Variants in MYZAP observed in about 807,000 individuals in gnomAD.
MYZAP encodes the protein GRINL1A complex locus upstream.
In MYZAP, 66 loss-of-function variants were observed where a neutral mutation model predicts 69.4. The ratio of observed to expected loss-of-function variants is 0.95; its 90% CI spans 0.78 to 1.17. MYZAP has a LOEUF of 1.17. Among genes scored for constraint, MYZAP ranks in the 50% most tolerant of loss-of-function variants. The pLI, the probability that MYZAP is intolerant of heterozygous loss-of-function variation, is 0.00. For missense variants in MYZAP, 611 were observed against 556.2 expected (o/e 1.10, Z -0.99); for synonymous variants, 256 against 205.9 (o/e 1.24, Z -2.09).
chr15:57,632,074 T>G (rs1369916202), intron 6 of MYZAP, among the ~76,000 whole-genome samples: 1 of 152,186 alleles, frequency 6.6e-6, no homozygotes, highest in Admixed American at 6.5e-5. Context: ...ATGGAAAGGG[T>G]GAGTCCAGAT....
chr15:57,613,353 A>C (rs767287159), intron 2 of MYZAP, among the ~76,000 whole-genome samples: 1 of 151,422 alleles, frequency 6.6e-6, no homozygotes, highest in African/African-American at 2.4e-5. Flanking sequence ...GAGGCTTTTG[A>C]TTTTTAATTT....
Position 57,652,638 on chromosome 15 carries a change from A to C in MYZAP, c.1120-8812A>C, listed in dbSNP as rs183326730. ...TCTTTTGTTAAGAGAATTGGAAACA[A>C]TGGTTTACCAGATCATAGAGGGATC... On this transcript the variant is annotated intron_variant, in intron 10 of 12. Transcript: ENST00000267853. Among the ~76,000 whole-genome samples, 852 of 152,282 alleles carry C rather than the reference A, an allele frequency of 5.6e-3. 8 individuals are homozygous for C. The highest frequency in any genetic ancestry group is 6.2e-3 in the Non-Finnish European group (422 of 68,004).
rs147301894 is a variant in MYZAP, at chr15:57,602,990, G to A, written c.76-1279G>A. On this transcript the variant is annotated intron_variant, in intron 1 of 12. Coordinates refer to ENST00000267853, the MANE Select transcript of MYZAP (RefSeq NM_001018100.5). Reference sequence around the variant, plus strand: ...TGACTTTGCCCCTAAGTCACCCTTCGTCAACAGAATATGATAAATCACACA... The same window carrying A: ...TGACTTTGCCCCTAAGTCACCCTTCATCAACAGAATATGATAAATCACACA... Among the ~76,000 whole-genome samples the A allele has an allele frequency of 1.1e-4, 17 of 152,084 alleles. No homozygotes were observed. The East Asian group carries it at 2.5e-3, about 22-fold the overall frequency.
At position 57,639,515 on chromosome 15, in the gene MYZAP, G is replaced by A; in HGVS notation, c.1089G>A (p.Gln363=). The A allele has an allele frequency of 6.2e-7, 1 of 1,614,020 alleles. No individual in the cohort carries two copies. The highest frequency in any genetic ancestry group is 8.5e-7 in the Non-Finnish European group (1 of 1,179,966). The change falls in exon 10 of 13, where the codon CAG becomes CAA. Residue 363 remains glutamine, a synonymous_variant. Coordinates refer to ENST00000267853, the MANE Select transcript of MYZAP (RefSeq NM_001018100.5). ...ACCTAGATGACATGGTGCATTGCCAGCAGAAGAAAGTCAAGCAGATGGTCG... is the reference window on the plus strand; with the variant it reads ...ACCTAGATGACATGGTGCATTGCCAACAGAAGAAAGTCAAGCAGATGGTCG... ...IRHLDDMVHC[Q]QKKVKQMVEE...
intron 11 of MYZAP, among the ~76,000 whole-genome samples, chr15:57,667,746 C>G (rs1348517994): frequency 6.6e-6 from 1 of 152,196 alleles, no homozygotes; most frequent in Non-Finnish European, 1.5e-5. Context: ...TATTAACTTA[C>G]ATAAATAAGT....
intron 12 of MYZAP, among the ~76,000 whole-genome samples, 188 bp downstream of exon 12, chr15:57,675,256 G>T (rs2039061537): frequency 6.6e-6 from 1 of 152,160 alleles, no homozygotes; most frequent in South Asian, 2.1e-4. Flanking sequence ...GGGTGGAGGG[G>T]TCAGCAAAGG....
At chr15:57,671,196 T>C (rs981330214) in intron 11 of MYZAP, among the ~76,000 whole-genome samples, 6 of 152,136 alleles carry the variant, frequency 3.9e-5, no homozygotes, top group Non-Finnish European at 8.8e-5. Context: ...TTGAAAGATA[T>C]AGAGCTCTAA....
At chr15:57,643,741 G>GTTT (rs76647740) in intron 10 of MYZAP, among the ~76,000 whole-genome samples, 23 of 136,332 alleles carry the variant, frequency 1.7e-4, no homozygotes, top group Non-Finnish European at 2.1e-4. Context: ...TTTTTTTTTT[G>GTTT]TTTTTTTTTT....
chr15:57,668,015 C>T (rs1456545116), intron 11 of MYZAP, among the ~76,000 whole-genome samples: 1 of 152,126 alleles, frequency 6.6e-6, no homozygotes, highest in Non-Finnish European at 1.5e-5. Flanking sequence ...TAGTGGGAAT[C>T]CACTGTATGA....
chr15:57,636,607 C>T (rs368802034), intron 8 of MYZAP, among the ~76,000 whole-genome samples: 12 of 152,264 alleles, frequency 7.9e-5, no homozygotes, highest in Admixed American at 6.5e-5. Flanking sequence ...AATTAGTGAG[C>T]GTTATTTGAT....
chr15:57,654,190 T>C lies in MYZAP; in HGVS notation c.1120-7260T>C, dbSNP rs183958371. Reference sequence around the variant, plus strand: ...CCACCTCAGCCTAATGGCCTCCCAATTAATTATTTTAATGGTTCCCCTCTT... The same window carrying C: ...CCACCTCAGCCTAATGGCCTCCCAACTAATTATTTTAATGGTTCCCCTCTT... On this transcript the variant is annotated intron_variant, in intron 10 of 12. Coordinates refer to ENST00000267853, the MANE Select transcript of MYZAP (RefSeq NM_001018100.5). Among the ~76,000 whole-genome samples, 4 of 152,082 alleles carry C rather than the reference T, an allele frequency of 2.6e-5. No homozygotes were observed. In the East Asian group the frequency reaches 7.7e-4, roughly 29 times the overall value.
At chr15:57,611,885 A>G (rs1177555844) in intron 2 of MYZAP, among the ~76,000 whole-genome samples, 2 of 152,108 alleles carry the variant, frequency 1.3e-5, no homozygotes, top group Admixed American at 1.3e-4. Context: ...GACTACAGGC[A>G]TACACCACTG....
chr15:57,607,483 T>C (rs2140345166), intron 2 of MYZAP, among the ~76,000 whole-genome samples: 1 of 152,244 alleles, frequency 6.6e-6, no homozygotes, highest in East Asian at 1.9e-4. Flanking sequence ...CAGAATGTTT[T>C]ACTGAGCCCT....
rs2033708074 is a variant in MYZAP, at chr15:57,592,097, G to A, written c.63G>A (p.Ala21=). Residue 21 remains alanine (A), a synonymous_variant, in exon 1 of 13, where the codon GCG becomes GCA. Coordinates refer to ENST00000267853, the MANE Select transcript of MYZAP (RefSeq NM_001018100.5). The stretch of plus-strand genomic sequence containing the variant: ...GCGGCGCCGCCAGGACGCCCGGGGC[G>A]CCCAGCAGGAGGGTGAGTAGCGGGG... ...LSGGAARTPG[A]PSRRANVCRL... is the part of the protein sequence containing the mutation. 1 of 1,369,602 alleles carries A rather than the reference G, an allele frequency of 7.3e-7. No homozygotes were observed. Among genetic ancestry groups the A allele is most frequent in the Non-Finnish European group, 9.4e-7 (1 of 1,066,360 alleles). The allele number at this position is 1,369,602 out of a possible 1,614,324, so 84.8% of individuals were successfully genotyped here. A position where few individuals can be genotyped will look rare whatever the true frequency, so the allele number is the denominator to read the frequency against.
chr15:57,684,076 G>A, intron 12 of MYZAP, among the ~76,000 whole-genome samples: 1 of 152,116 alleles, frequency 6.6e-6, no homozygotes, highest in East Asian at 1.9e-4. Flanking sequence ...TTACAGGCGT[G>A]AGCCACCACG....
intron 12 of MYZAP, among the ~76,000 whole-genome samples, chr15:57,676,833 C>T (rs2039162049): frequency 6.6e-6 from 1 of 152,146 alleles, no homozygotes; most frequent in African/African-American, 2.4e-5. Context: ...GAAGTGCTGA[C>T]AGACCCTTAA....
At chr15:57,610,179 C>G (rs1484090995) in intron 2 of MYZAP, among the ~76,000 whole-genome samples, 5 of 152,166 alleles carry the variant, frequency 3.3e-5, no homozygotes, top group African/African-American at 1.2e-4. Flanking sequence ...TTTAAAGAAG[C>G]TGTTTTCTCT....
chr15:57,646,369 A>AC, intron 10 of MYZAP: 6 of 1,173,762 alleles, frequency 5.1e-6, no homozygotes, highest in Non-Finnish European at 6.4e-6. Context: ...GTTTGTGAAA[A>AC]CACCCACATA....
chr15:57,614,712 G>A (rs144558397), intron 2 of MYZAP, among the ~76,000 whole-genome samples: 2 of 152,092 alleles, frequency 1.3e-5, no homozygotes, highest in African/African-American at 4.8e-5. Context: ...TCCTACGGCT[G>A]GAGACCCTGG....
Sources: allele counts gnomAD v4.1 joint callset (sites outside exome capture counted in the v4.1 genomes callset), GRCh38; gene constraint gnomAD v4.1.1; transcripts MANE v1.5; gene names NCBI Gene and HGNC (gene_info 2026-07-23, HGNC 2026-07-21).